The following ANXA8 variants were observed in gnomAD, a reference collection of about 807,000 sequenced individuals.
ANXA8 encodes annexin A8, also known as VAC-beta.
ANXA8 carries 9 observed loss-of-function variants against 26.8 expected under a neutral mutation model. That is an observed-to-expected ratio of 0.34 (90% CI 0.20 to 0.59). ANXA8 has a LOEUF of 0.59. Among genes scored for constraint, ANXA8 ranks in the 20% least tolerant of loss-of-function variants. ANXA8 has a pLI of 0.84. For missense variants in ANXA8, 83 were observed against 238.5 expected (o/e 0.35, Z 4.29); for synonymous variants, 39 against 94.8 (o/e 0.41, Z 3.42).
chr10:47,726,697 T>C, the ANXA8 span: 1 of 607,496 alleles, frequency 1.6e-6, no homozygotes, highest in Non-Finnish European at 3.0e-6. Flanking sequence ...CCTTCTAGGA[T>C]GTCACAGAAC....
At chr10:47,529,178 C>A in the ANXA8 span, among the ~76,000 whole-genome samples, 2 of 143,348 alleles carry the variant, frequency 1.4e-5, no homozygotes, top group African/African-American at 5.0e-5. Flanking sequence ...TAAAGTTTTA[C>A]GACCCTTTGC....
chr10:47,905,577 T>G, the ANXA8 span, among the ~76,000 whole-genome samples: 2 of 149,330 alleles, frequency 1.3e-5, no homozygotes, highest in African/African-American at 5.0e-5. Context: ...TATTTTCAAT[T>G]TTTACAAAAT....
chr10:47,703,770 A>T, the ANXA8 span, among the ~76,000 whole-genome samples: 2 of 148,220 alleles, frequency 1.3e-5, no homozygotes, highest in Non-Finnish European at 3.0e-5. Context: ...AATTTATAAG[A>T]AAACTCTTCA....
chr10:47,652,299 A>C, the ANXA8 span, among the ~76,000 whole-genome samples: 1 of 151,476 alleles, frequency 6.6e-6, no homozygotes, highest in Non-Finnish European at 1.5e-5. Context: ...ATTTTATCTC[A>C]ATTAAAAAAA....
At chr10:47,490,118 C>T in the ANXA8 span, among the ~76,000 whole-genome samples, 398 of 151,046 alleles carry the variant, frequency 2.6e-3, 4 homozygotes, top group Non-Finnish European at 4.6e-3. Context: ...TAGCGCCTGC[C>T]TCAGGTTGGT....
the ANXA8 span, among the ~76,000 whole-genome samples, chr10:47,733,219 T>TTTTCTC: frequency 1.5e-5 from 1 of 68,044 alleles, no homozygotes; most frequent in African/African-American, 5.7e-5. Flanking sequence ...CTTTCTTTCT[T>TTTTCTC]TCTCTTTCTT....
the ANXA8 span, among the ~76,000 whole-genome samples, chr10:47,513,958 C>T: frequency 7.3e-6 from 1 of 137,162 alleles, no homozygotes; most frequent in Non-Finnish European, 1.6e-5. Flanking sequence ...TGGAAAAACC[C>T]GTCTAGACAC....
At chr10:47,733,159 T>A in the ANXA8 span, among the ~76,000 whole-genome samples, 24 of 96,666 alleles carry the variant, frequency 2.5e-4, no homozygotes, top group African/African-American at 7.5e-4. Context: ...CTTTCTTTCT[T>A]TCTTTCTTTC....
chr10:47,674,689 C>A, the ANXA8 span, among the ~76,000 whole-genome samples: 1 of 151,928 alleles, frequency 6.6e-6, no homozygotes, highest in South Asian at 2.1e-4. Context: ...ATTTCTTCTG[C>A]ATGGAAGATT....
chr10:47,669,158 G>A, the ANXA8 span, among the ~76,000 whole-genome samples: 1 of 151,904 alleles, frequency 6.6e-6, no homozygotes, highest in African/African-American at 2.4e-5. Flanking sequence ...GGTGGGAAAA[G>A]CATAGTAACC....
chr10:47,722,615 C>G, the ANXA8 span, among the ~76,000 whole-genome samples: 1 of 140,128 alleles, frequency 7.1e-6, no homozygotes, highest in Non-Finnish European at 1.6e-5. Flanking sequence ...GGTGTCTCCA[C>G]GGGCTGCCTG....
At chr10:47,585,139 T>C in the ANXA8 span, among the ~76,000 whole-genome samples, 1 of 142,284 alleles carries the variant, frequency 7.0e-6, no homozygotes, top group Non-Finnish European at 1.5e-5. Flanking sequence ...GGTGGGCGCC[T>C]GTAATCCCAG....
At chr10:47,976,544 TACAC>T in the ANXA8 span, among the ~76,000 whole-genome samples, 7,801 of 132,310 alleles carry the variant, frequency 0.059, 262 homozygotes, top group East Asian at 0.23. Flanking sequence ...CCTCTGTCTT[TACAC>T]ACACACACAC....
chr10:47,982,201 G>C, the ANXA8 span, among the ~76,000 whole-genome samples: 41 of 150,002 alleles, frequency 2.7e-4, no homozygotes, highest in South Asian at 6.4e-3. Context: ...GAGGTGGGAG[G>C]ATCACTTGAG....
chr10:47,982,316 C>T, the ANXA8 span, among the ~76,000 whole-genome samples: 2 of 150,992 alleles, frequency 1.3e-5, no homozygotes, highest in African/African-American at 2.4e-5. Context: ...AAAACAACCC[C>T]CCCAAACCCC....
At chr10:47,680,673 C>A in the ANXA8 span, among the ~76,000 whole-genome samples, 1 of 151,212 alleles carries the variant, frequency 6.6e-6, no homozygotes, top group Non-Finnish European at 1.5e-5. Flanking sequence ...TAAGTATGTA[C>A]AATTACAATA....
At chr10:47,662,484 G>C in the ANXA8 span, among the ~76,000 whole-genome samples, 1 of 152,040 alleles carries the variant, frequency 6.6e-6, no homozygotes, top group African/African-American at 2.4e-5. Context: ...GTTTAGTTTA[G>C]TTTGAGGATA....
chr10:47,742,257 CAG>C, the ANXA8 span, among the ~76,000 whole-genome samples: 2 of 106,996 alleles, frequency 1.9e-5, no homozygotes, highest in African/African-American at 7.0e-5. Context: ...TACTCAGAAA[CAG>C]TATGTAAAAT....
chr10:47,663,454 T>C, the ANXA8 span, among the ~76,000 whole-genome samples: 2 of 139,240 alleles, frequency 1.4e-5, 1 homozygote, highest in African/African-American at 6.2e-5. Context: ...GACATCATCA[T>C]GGCTCACGGC....
Sources: gnomAD v4.1 joint callset for allele counts (sites outside exome capture counted in the v4.1 genomes callset) on GRCh38, gnomAD v4.1.1 for gene constraint, MANE v1.5 for transcripts, NCBI Gene and HGNC (gene_info 2026-07-23, HGNC 2026-07-21) for gene names.